The following LNPEP variants were observed in gnomAD, a reference collection of about 807,000 sequenced individuals.
LNPEP encodes the protein leucyl and cystinyl aminopeptidase.
LNPEP carries 64 observed loss-of-function variants against 120.6 expected under a neutral mutation model. The observed-to-expected ratio is 0.53, with a 90% CI of 0.43 to 0.65. LNPEP has a LOEUF of 0.65. LNPEP is among the 30% of genes least tolerant of loss of function. LNPEP has a pLI of 0.00. For synonymous variants in LNPEP, 435 were observed against 425.4 expected (o/e 1.02, Z -0.28); for missense variants, 1,057 against 1,200.0 (o/e 0.88, Z 1.76).
chr5:96,952,897 CT>C (rs1183310193), intron 1 of LNPEP, among the ~76,000 whole-genome samples: 7 of 151,624 alleles, frequency 4.6e-5, no homozygotes, highest in Non-Finnish European at 5.9e-5. Context: ...AGTTCATTTA[CT>C]TTTTTTTTCT....
chr5:96,945,803 C>A (rs753925849), intron 1 of LNPEP, among the ~76,000 whole-genome samples: 4 of 152,016 alleles, frequency 2.6e-5, no homozygotes, highest in Non-Finnish European at 5.9e-5. Flanking sequence ...GTTGAGGGGC[C>A]TAGAATTTTA....
intron 13 of LNPEP, among the ~76,000 whole-genome samples, chr5:97,021,145 A>T (rs1791183905): frequency 6.6e-6 from 1 of 152,224 alleles, no homozygotes; most frequent in South Asian, 2.1e-4. Flanking sequence ...TCTGTAAGAG[A>T]ATGTTCTGAT....
chr5:96,947,889 C>G (rs1158046726), intron 1 of LNPEP, among the ~76,000 whole-genome samples: 3 of 152,172 alleles, frequency 2.0e-5, no homozygotes, highest in South Asian at 4.2e-4. Context: ...GGATTCAAAT[C>G]TACCTAATTT....
intron 5 of LNPEP, 22 bp from the exon 6 acceptor site, chr5:96,993,795 A>C: frequency 6.2e-7 from 1 of 1,608,774 alleles, no homozygotes; most frequent in Non-Finnish European, 8.5e-7. Context: ...AAAGTTGATC[A>C]CTTATTTCCT....
At chr5:96,959,639 CTT>C (rs957758657) in intron 1 of LNPEP, among the ~76,000 whole-genome samples, 11 of 152,190 alleles carry the variant, frequency 7.2e-5, no homozygotes, top group Middle Eastern at 3.4e-3. Context: ...CTTTTGAAGA[CTT>C]AAGTGACATT....
chr5:97,018,152 G>A (rs1308523723), intron 13 of LNPEP, among the ~76,000 whole-genome samples: 1 of 152,108 alleles, frequency 6.6e-6, no homozygotes, highest in Non-Finnish European at 1.5e-5. Context: ...CCTAGTACAG[G>A]TAGCAATAAA....
intron 13 of LNPEP, among the ~76,000 whole-genome samples, chr5:97,019,488 A>G (rs941580218): frequency 6.6e-6 from 1 of 152,142 alleles, no homozygotes; most frequent in Non-Finnish European, 1.5e-5. Context: ...TTACTTTATT[A>G]TGTTATAATT....
chr5:96,958,730 A>G (rs1789528463), intron 1 of LNPEP: 1 of 150,862 alleles, frequency 6.6e-6, no homozygotes, highest in African/African-American at 2.5e-5. Flanking sequence ...GGTCGTCCAC[A>G]TTCCTTGGCT....
chr5:97,034,635 A>G lies in LNPEP; in HGVS notation c.*6102A>G, dbSNP rs901236059. On this transcript the variant is annotated 3_prime_UTR_variant, in exon 18 of 18. Coordinates refer to ENST00000231368, the MANE Select transcript of LNPEP (RefSeq NM_005575.3). ...ATACACAAGCAAGTAGTATGTGAGC[A>G]CTACAGGGCTTGGGTTTTGGTTTTT... The G allele has an allele frequency of 2.6e-5, 4 of 151,968 alleles. No homozygotes were observed. Among genetic ancestry groups the G allele is most frequent in the African/African-American group, 9.7e-5 (4 of 41,344 alleles). 9.4% of individuals were successfully genotyped at this position (151,968 alleles called of 1,614,324 possible).
At chr5:97,020,828 A>T (rs749814026) in intron 13 of LNPEP, among the ~76,000 whole-genome samples, 3 of 152,068 alleles carry the variant, frequency 2.0e-5, no homozygotes, top group Non-Finnish European at 4.4e-5. Context: ...ATACCTAAAA[A>T]CATTTTTTAT....
At chr5:97,016,941 A>G (rs1314990617) in intron 13 of LNPEP, among the ~76,000 whole-genome samples, 1 of 152,150 alleles carries the variant, frequency 6.6e-6, no homozygotes, top group East Asian at 1.9e-4. Context: ...GTTTGGAGCT[A>G]TCATGAATAG....
chr5:97,002,332 T>C (rs1045128891), intron 8 of LNPEP, among the ~76,000 whole-genome samples: 1 of 152,122 alleles, frequency 6.6e-6, no homozygotes, highest in East Asian at 1.9e-4. Context: ...TAGGGAAAGG[T>C]AGAGAGTCTT....
At chr5:96,997,421 T>C (rs1790539613) in intron 7 of LNPEP, among the ~76,000 whole-genome samples, 1 of 152,106 alleles carries the variant, frequency 6.6e-6, no homozygotes, top group African/African-American at 2.4e-5. Flanking sequence ...TACTACTTAA[T>C]TAAGTAATGA....
At chr5:97,009,619 A>C (rs1790876875) in intron 11 of LNPEP, among the ~76,000 whole-genome samples, 1 of 152,172 alleles carries the variant, frequency 6.6e-6, no homozygotes. Context: ...TAGAGCTGGA[A>C]CTGGGCCAAT....
At position 97,006,064 on chromosome 5, in the gene LNPEP, A is replaced by ATT. The variant is rs757565555; in HGVS notation, c.1786-6_1786-5dup. The ATT allele has an allele frequency of 5.0e-5, 56 of 1,128,794 alleles. No homozygotes were observed. Among genetic ancestry groups the ATT allele is most frequent in the East Asian group, 3.2e-4 (10 of 30,836 alleles). 69.9% of individuals were successfully genotyped at this position (1,128,794 alleles called of 1,614,324 possible). On this transcript the variant is annotated splice_polypyrimidine_tract_variant and intron_variant, in intron 9 of 17. Transcript: ENST00000231368. ...AAAAGTTTTATATATATATATATATATTTTGTAGGTCACAAACCAAACACT... is the reference window on the plus strand; with the variant it reads ...AAAAGTTTTATATATATATATATATATTTTTTGTAGGTCACAAACCAAACACT...
chr5:97,024,346 A>G (rs1791287354), intron 14 of LNPEP, among the ~76,000 whole-genome samples, 175 bp from the exon 15 acceptor site: 1 of 152,238 alleles, frequency 6.6e-6, no homozygotes, highest in Admixed American at 6.5e-5. Context: ...ATCCATAGAC[A>G]CACTACTAGG....
chr5:97,006,217 C>A lies in LNPEP; in HGVS notation c.1930C>A (p.Gln644Lys). ...CTTTTTAAATATGAAGCCTGAAATT[C>A]AGCCTTCAGATACAAGGTACATGCC... ...RFFLNMKPEI[Q>K]PSDTSYLWHI... is the part of the protein sequence containing the mutation. The change falls in exon 10 of 18, where the codon CAG becomes AAG. Residue 644 changes from glutamine (Q) to lysine (K), a missense_variant. Transcript: ENST00000231368. 6.2e-7 allele frequency: 1 copy of A among 1,603,076 alleles called. No homozygotes were observed. The highest frequency in any genetic ancestry group is 1.1e-5 in the South Asian group (1 of 88,704).
chr5:96,943,011 C>G (rs1359093650), intron 1 of LNPEP: 10 of 178,126 alleles, frequency 5.6e-5, no homozygotes. Flanking sequence ...CCTACCAAGA[C>G]TTTGAGAAAC....
At position 97,033,691 on chromosome 5, in the gene LNPEP, G is replaced by T. The variant is rs1253415599; in HGVS notation, c.*5158G>T. 6.6e-6 allele frequency: 1 copy of T among 152,174 alleles called. No homozygotes were observed. The highest frequency in any genetic ancestry group is 2.4e-5 in the African/African-American group (1 of 41,430). 9.4% of individuals were successfully genotyped at this position (152,174 alleles called of 1,614,324 possible). On this transcript the variant is annotated 3_prime_UTR_variant, in exon 18 of 18. Transcript: ENST00000231368. ...TCTGCCCTTCCCTTAGATTGTCTGT[G>T]TGGGCAGGTGTCTAAGAGAGTAGTT...
Sources: allele counts gnomAD v4.1 joint callset (sites outside exome capture counted in the v4.1 genomes callset), GRCh38; gene constraint gnomAD v4.1.1; transcripts MANE v1.5; gene names NCBI Gene and HGNC (gene_info 2026-07-23, HGNC 2026-07-21).